EXOSC9: variants seen among roughly 807,000 people sequenced by gnomAD.
EXOSC9 encodes the protein exosome component 9, also known as exosome complex component RRP45.
EXOSC9 carries 38 observed loss-of-function variants against 56.5 expected under a neutral mutation model. The observed-to-expected ratio is 0.67, with a 90% CI of 0.52 to 0.88. The LOEUF (loss-of-function observed/expected upper bound fraction) is 0.88. Among genes scored for constraint, EXOSC9 ranks in the 40% least tolerant of loss-of-function variants. The pLI is 0.00. For synonymous variants in EXOSC9, 170 were observed against 170.8 expected (o/e 0.99, Z 0.04); for missense variants, 559 against 530.5 (o/e 1.05, Z -0.53).
chr4:121,816,933 T>TA lies in EXOSC9; in HGVS notation c.*78dup. On this transcript the variant is annotated 3_prime_UTR_variant, in exon 12 of 12. Transcript: ENST00000243498. ...CATTCTGAGAACCCTGGGTATTTTT[T>TA]ATTCACAAATCCATTATAAAATCTA... The TA allele has an allele frequency of 7.7e-7, 1 of 1,297,030 alleles. No homozygotes were observed. The highest frequency in any genetic ancestry group is 1.0e-6 in the Non-Finnish European group (1 of 975,394). 80.3% of individuals were successfully genotyped at this position (1,297,030 alleles called of 1,614,324 possible).
intron 10 of EXOSC9, chr4:121,816,009 AC>A: frequency 8.2e-6 from 10 of 1,218,864 alleles, no homozygotes; most frequent in Non-Finnish European, 1.0e-5. Flanking sequence ...TTGCTCTGTC[AC>A]CCAGACTGGA....
intron 2 of EXOSC9, among the ~76,000 whole-genome samples, chr4:121,802,145 CT>C (rs1726887280): frequency 1.3e-5 from 2 of 152,166 alleles, no homozygotes; most frequent in Non-Finnish European, 2.9e-5. Context: ...TCTTTTCTGA[CT>C]TCTATAAATC....
chr4:121,815,606 G>A (rs1724467407), intron 10 of EXOSC9: 5 of 985,382 alleles, frequency 5.1e-6, no homozygotes, highest in South Asian at 4.7e-5. Context: ...ATTTTTCATG[G>A]TCAGCCCTGA....
chr4:121,807,705 T>A, intron 6 of EXOSC9, 83 bp downstream of exon 6: 1 of 845,820 alleles, frequency 1.2e-6, no homozygotes, highest in Non-Finnish European at 2.1e-6. Flanking sequence ...ATGTTAATAT[T>A]AAACAAACAC....
At chr4:121,803,624 T>C (rs1726933895) in intron 4 of EXOSC9, among the ~76,000 whole-genome samples, 1 of 152,202 alleles carries the variant, frequency 6.6e-6, no homozygotes, top group African/African-American at 2.4e-5. Context: ...CACTGCAACC[T>C]CTGCCTCCCC....
chr4:121,802,115 T>C, intron 2 of EXOSC9, among the ~76,000 whole-genome samples, 194 bp downstream of exon 2: 1 of 152,266 alleles, frequency 6.6e-6, no homozygotes, highest in Non-Finnish European at 1.5e-5. Context: ...AAACGTATTT[T>C]CTGTCACGTA....
intron 8 of EXOSC9, among the ~76,000 whole-genome samples, chr4:121,812,188 G>A (rs189945734): frequency 2.1e-3 from 326 of 152,280 alleles, no homozygotes; most frequent in Non-Finnish European, 3.8e-3. Flanking sequence ...TTAAGTCTGG[G>A]TCAAGTCCAG....
In EXOSC9 at chr4:121,813,362, C is replaced by G. The variant is rs753003784; in HGVS notation, c.956C>G (p.Ala319Gly). The G allele has an allele frequency of 4.3e-6, 7 of 1,613,124 alleles. No individual in the cohort carries two copies. The highest frequency in any genetic ancestry group is 5.9e-6 in the Non-Finnish European group (7 of 1,179,624). The change falls in exon 9 of 12, where the codon GCA becomes GGA. Residue 319 changes from alanine to glycine, a missense_variant. By Grantham distance (60) the Ala-to-Gly change is moderately conservative. Transcript: ENST00000243498. ...EEKAEEIIAE[A>G]EPPSEVVSTP... The stretch of plus-strand genomic sequence containing the variant: ...AAAGCAGAAGAAATCATTGCTGAAG[C>G]AGAACCTCCTTCAGAAGTGTATCTT...
Position 121,811,675 on chromosome 4 carries a change from A to C in EXOSC9, c.827+4A>C. The C allele has an allele frequency of 6.7e-7, 1 of 1,483,806 alleles. No individual in the cohort carries two copies. The highest frequency in any genetic ancestry group is 9.2e-7 in the Non-Finnish European group (1 of 1,091,654). The allele number at this position is 1,483,806 out of a possible 1,614,324, so 91.9% of individuals were successfully genotyped here. A position where few individuals can be genotyped will look rare whatever the true frequency, so the allele number is the denominator to read the frequency against. ...TGGAGAATGACCAAAAAGTAAGGTA[A>C]GTAACTTTTCCAGAACTAAGTGGTC... On this transcript the variant is annotated splice_donor_region_variant and intron_variant, in intron 8 of 11. Transcript: ENST00000243498.
intron 2 of EXOSC9, 109 bp from the exon 3 acceptor site, chr4:121,802,565 G>T: frequency 6.4e-6 from 6 of 940,948 alleles, no homozygotes; most frequent in South Asian, 1.7e-5. Flanking sequence ...GATTTATTTG[G>T]CTGAGTATGA....
rs201594770 is a variant in EXOSC9, at chr4:121,813,197, C to T, written c.828-37C>T. On this transcript the variant is annotated intron_variant, in intron 8 of 11. Transcript: ENST00000243498. Reference sequence around the variant, plus strand: ...CTTCTATCCAATCTGTTACCTTCCTCCCCCTTCCTTCCCACCAAAAAAACC... The same window carrying T: ...CTTCTATCCAATCTGTTACCTTCCTTCCCCTTCCTTCCCACCAAAAAAACC... The T allele has an allele frequency of 5.8e-5, 91 of 1,579,970 alleles. 1 individual carries two copies. In the African/African-American group the frequency reaches 8.4e-4, roughly 15 times the overall value.
rs1161342357 is a variant in EXOSC9, at chr4:121,807,416, G to T, written c.523-124G>T. ...AAATCAAACTGGTAATTAATTAAAA[G>T]AAGTTATTTAGGTACTCAAAAGAAT... On this transcript the variant is annotated intron_variant, in intron 5 of 11. Transcript: ENST00000243498. 3 of 496,806 alleles carry T rather than the reference G, an allele frequency of 6.0e-6. No individual in the cohort carries two copies. In the East Asian group the frequency reaches 9.8e-5, roughly 16 times the overall value. 30.8% of individuals were successfully genotyped at this position (496,806 alleles called of 1,614,324 possible).
chr4:121,813,254 G>GT lies in EXOSC9; in HGVS notation c.852dup (p.Ala285CysfsTer13). Reference sequence around the variant, plus strand: ...TACAGGAAAGAAGGTGGAAAGTTTGGTTTTGCAGAGTCTATAGCAAATCAA... The same window carrying GT: ...TACAGGAAAGAAGGTGGAAAGTTTGGTTTTTGCAGAGTCTATAGCAAATCAA... On this transcript the variant is annotated frameshift_variant, in exon 9 of 12. Transcript: ENST00000243498. LOFTEE classifies it high-confidence loss of function. 1.2e-6 allele frequency: 2 copies of GT among 1,609,168 alleles called. No homozygotes were observed. Among genetic ancestry groups the GT allele is most frequent in the Non-Finnish European group, 1.7e-6 (2 of 1,177,148 alleles).
At chr4:121,816,665 T>C (rs1724525842) in intron 11 of EXOSC9, 107 bp from the exon 12 acceptor site, 1 of 1,158,210 alleles carries the variant, frequency 8.6e-7, no homozygotes. Flanking sequence ...GTCTTACTCA[T>C]AGCTGACACA....
rs145910336 is a variant in EXOSC9 at position 121,816,095 on chromosome 4, A to G, written c.1157-274A>G. 263 of 657,484 alleles carry G rather than the reference A, an allele frequency of 4.0e-4. 2 individuals carry two copies. In the East Asian group the frequency reaches 8.1e-3, roughly 20 times the overall value. 40.7% of individuals were successfully genotyped at this position (657,484 alleles called of 1,614,324 possible). A position where few individuals can be genotyped will look rare whatever the true frequency, so the allele number is the denominator to read the frequency against. The stretch of plus-strand genomic sequence containing the variant: ...GCCTCAGCCTCGAGTAGCTGGGCCT[A>G]CAAGCACATGCCACCACGCCTGGCT... On this transcript the variant is annotated intron_variant, in intron 10 of 11. Transcript: ENST00000243498.
intron 6 of EXOSC9, 23 bp downstream of exon 6, chr4:121,807,645 C>A: frequency 6.9e-7 from 1 of 1,452,276 alleles, no homozygotes; most frequent in Non-Finnish European, 9.7e-7. Context: ...TTATTATGGG[C>A]CAAAATTACA....
chr4:121,802,049 TA>T, intron 2 of EXOSC9, 128 bp downstream of exon 2: 1 of 678,918 alleles, frequency 1.5e-6, no homozygotes, highest in African/African-American at 1.8e-5. Context: ...CAAAAATAAG[TA>T]TTTTTTTATG....
In EXOSC9 at chr4:121,816,813, A is replaced by T; in HGVS notation, c.1277A>T (p.Lys426Ile). Reference protein sequence around the residue: ...TSAKQEKAPSKKPVKRRKKKR... With the variant: ...TSAKQEKAPSIKPVKRRKKKR... ...GCAAAACAAGAAAAAGCACCAAGTA[A>T]AAAGCCAGTGAAAAGAAGAAAAAAG... The change falls in exon 12 of 12, where the codon AAA (lysine) becomes ATA (isoleucine). Residue 426 changes from lysine (K) to isoleucine (I), a missense_variant. Physicochemically the swap from Lys to Ile is moderately radical, Grantham distance 102 (BLOSUM62 -3). Coordinates refer to ENST00000243498, the MANE Select transcript of EXOSC9 (RefSeq NM_005033.3). The T allele has an allele frequency of 6.2e-7, 1 of 1,602,856 alleles. No individual in the cohort carries two copies. Among genetic ancestry groups the T allele is most frequent in the Non-Finnish European group, 8.5e-7 (1 of 1,173,774 alleles).
At chr4:121,801,532 T>C in intron 1 of EXOSC9, 42 bp downstream of exon 1, 1 of 1,596,280 alleles carries the variant, frequency 6.3e-7, no homozygotes, top group South Asian at 1.1e-5. Context: ...GCGTGGGCGC[T>C]CGGGTCTCAA....
Sources: allele counts gnomAD v4.1 joint callset (sites outside exome capture counted in the v4.1 genomes callset), GRCh38; gene constraint gnomAD v4.1.1; transcripts MANE v1.5; gene names NCBI Gene and HGNC (gene_info 2026-07-23, HGNC 2026-07-21).